EIF3B: variants seen among roughly 807,000 people sequenced by gnomAD.
The protein encoded by EIF3B is eukaryotic translation initiation factor 3 subunit 9.
EIF3B carries 10 observed loss-of-function variants against 104.6 expected under a neutral mutation model. The observed-to-expected ratio is 0.10, with a 90% CI of 0.06 to 0.16. EIF3B has a LOEUF of 0.16. EIF3B is among the 10% of genes least tolerant of loss of function. EIF3B has a pLI of 1.00. For missense variants in EIF3B, 1,014 were observed against 1,087.9 expected (o/e 0.93, Z 0.96); for synonymous variants, 542 against 417.2 (o/e 1.30, Z -3.65).
intron 1 of EIF3B, among the ~76,000 whole-genome samples, 171 bp downstream of exon 1, chr7:2,355,591 T>C (rs937320175): frequency 6.6e-6 from 1 of 152,078 alleles, no homozygotes; most frequent in Non-Finnish European, 1.5e-5. Context: ...CCTGGAAGTG[T>C]TCTGAGAGCC....
In EIF3B at chr7:2,380,376, C is replaced by A. The variant is rs1342575700; in HGVS notation, c.*187C>A. The A allele has an allele frequency of 1.9e-6, 1 of 518,806 alleles. No individual in the cohort carries two copies. Among genetic ancestry groups the A allele is most frequent in the Admixed American group, 1.9e-5 (1 of 51,572 alleles). The allele number at this position is 518,806 out of a possible 1,614,324, so 32.1% of individuals were successfully genotyped here. A position where few individuals can be genotyped will look rare whatever the true frequency, so the allele number is the denominator to read the frequency against. On this transcript the variant is annotated 3_prime_UTR_variant, in exon 19 of 19. Transcript: ENST00000360876. ...CTCTGGCTCTGGACTGTGACTGCGC[C>A]TGGATTCTGCCATTGCGACACATTT...
chr7:2,363,801 C>T (rs1221807317), intron 5 of EIF3B, 41 bp downstream of exon 5: 4 of 1,585,152 alleles, frequency 2.5e-6, no homozygotes, highest in South Asian at 1.1e-5. Flanking sequence ...CTCACCTCTC[C>T]TGTATTTCCT....
upstream of EIF3B, chr7:2,354,816 G>A (rs1437321905): frequency 2.0e-5 from 20 of 1,008,826 alleles, no homozygotes; most frequent in Non-Finnish European, 2.3e-5. Flanking sequence ...CGGCCTCCCC[G>A]TCGCACGCAC....
chr7:2,361,014 C>T (rs943755300), intron 2 of EIF3B, 112 bp downstream of exon 2: 12 of 794,804 alleles, frequency 1.5e-5, no homozygotes, highest in East Asian at 2.7e-5. Flanking sequence ...GCACGTGGGC[C>T]GTTCACTTCT....
rs1725690321 is a variant in EIF3B at position 2,369,476 on chromosome 7, T to G, written c.1408T>G (p.Phe470Val). 6.2e-7 allele frequency: 1 copy of G among 1,614,098 alleles called. No individual in the cohort carries two copies. The highest frequency in any genetic ancestry group is 1.1e-5 in the South Asian group (1 of 91,088). ...TTTTATTTTCCTGTTCTGCAGAGAC[T>G]TTTCTTGGTCTCCTGGTGGTAACAT... ...KSLKISGIKD[F>V]SWSPGGNIIA... The change falls in exon 10 of 19, where the codon TTT becomes GTT. Residue 470 changes from phenylalanine (F) to valine (V), a missense_variant. Physicochemically the swap from Phe to Val is conservative, Grantham distance 50 (BLOSUM62 -1). Around this residue, in one of 4 missense-constraint regions of EIF3B, gnomAD observed 201 missense variants for 240.7 expected, o/e 0.83. Transcript: ENST00000360876.
chr7:2,379,563 T>C, intron 18 of EIF3B, 52 bp downstream of exon 18: 1 of 1,159,684 alleles, frequency 8.6e-7, no homozygotes, highest in Non-Finnish European at 1.3e-6. Flanking sequence ...CTCATGCTGC[T>C]TCAGTTATCC....
At position 2,364,368 on chromosome 7, in the gene EIF3B, G is replaced by C; in HGVS notation, c.1000-4G>C. 1.3e-6 allele frequency: 2 copies of C among 1,580,056 alleles called. No homozygotes were observed. The highest frequency in any genetic ancestry group is 1.7e-6 in the Non-Finnish European group (2 of 1,168,842). ...ATTAACGTTGGCACTGCCTTTTTCT[G>C]CAGAGATGGACAGAGACGTATGTGC... On this transcript the variant is annotated splice_region_variant and splice_polypyrimidine_tract_variant and intron_variant, in intron 5 of 18. Transcript: ENST00000360876.
chr7:2,364,673 C>T (rs971066103), intron 6 of EIF3B, 144 bp downstream of exon 6: 13 of 748,496 alleles, frequency 1.7e-5, no homozygotes, highest in African/African-American at 9.0e-5. Flanking sequence ...TTACTGAGAT[C>T]TTCTCACATT....
Position 2,372,081 on chromosome 7 carries a change from C to G in EIF3B, c.1687+232C>G. 6.1e-6 allele frequency: 3 copies of G among 492,852 alleles called. No homozygotes were observed. The East Asian group carries it at 1.1e-4, about 17-fold the overall frequency. The allele number at this position is 492,852 out of a possible 1,614,324, so 30.5% of individuals were successfully genotyped here. A position where few individuals can be genotyped will look rare whatever the true frequency, so the allele number is the denominator to read the frequency against. The stretch of plus-strand genomic sequence containing the variant: ...AATTAGCCAGGTGTGGTGGTGCGCA[C>G]CGATAGTCCCAGCTGTTTGAGACGC... On this transcript the variant is annotated intron_variant, in intron 11 of 18. Coordinates refer to ENST00000360876, the MANE Select transcript of EIF3B (RefSeq NM_001037283.2).
chr7:2,367,248 C>A (rs962636190), intron 9 of EIF3B: 23 of 532,430 alleles, frequency 4.3e-5, no homozygotes, highest in Non-Finnish European at 6.9e-5. Context: ...TAGTGGACAG[C>A]CCCTCGGTCC....
At chr7:2,363,152 C>G (rs756594561) in intron 4 of EIF3B, 25 bp downstream of exon 4, 1 of 1,611,710 alleles carries the variant, frequency 6.2e-7, no homozygotes, top group Non-Finnish European at 8.5e-7. Flanking sequence ...ACCTACATCT[C>G]AGTGGTTTAA....
At chr7:2,372,123 C>T (rs1780378374) in intron 11 of EIF3B, 1 of 419,896 alleles carries the variant, frequency 2.4e-6, no homozygotes, top group East Asian at 4.3e-5. Context: ...GGGAGGATCA[C>T]TTGAGCCCAG....
chr7:2,362,938 C>T, intron 3 of EIF3B, 132 bp from the exon 4 acceptor site: 1 of 1,428,066 alleles, frequency 7.0e-7, no homozygotes, highest in Non-Finnish European at 9.7e-7. Context: ...CCTACAGCAC[C>T]CCTCCCTGTT....
intron 8 of EIF3B, 25 bp downstream of exon 8, chr7:2,366,616 C>T (rs763552523): frequency 1.4e-5 from 23 of 1,613,306 alleles, no homozygotes; most frequent in Non-Finnish European, 1.4e-5. Context: ...TGATGGCAAA[C>T]GCCCCGTCCG....
intron 14 of EIF3B, chr7:2,376,122 T>A (rs1780616664): frequency 6.4e-6 from 1 of 155,156 alleles, no homozygotes. Flanking sequence ...AATCTTCGCA[T>A]TCGAATCAGG....
Position 2,372,810 on chromosome 7 carries a change from C to A in EIF3B, c.1810+15C>A. On this transcript the variant is annotated intron_variant, in intron 12 of 18. Coordinates refer to ENST00000360876, the MANE Select transcript of EIF3B (RefSeq NM_001037283.2). ...TGAACTCATCAGTAAGTAACCTGGT[C>A]CCTTTCCTCTTCTGAGTAGGTCAGC... 1 of 1,612,472 alleles carries A rather than the reference C, an allele frequency of 6.2e-7. No individual in the cohort carries two copies. Among genetic ancestry groups the A allele is most frequent in the South Asian group, 1.1e-5 (1 of 90,888 alleles).
In EIF3B at chr7:2,372,765, G is replaced by A. The variant is rs1174725049; in HGVS notation, c.1780G>A (p.Val594Ile). Residue 594 changes from valine (V) to isoleucine (I), a missense_variant, in exon 12 of 19, where the codon GTC becomes ATC. Transcript: ENST00000360876. Reference sequence around the variant, plus strand: ...GCGGATATCTGTGTCTTTCTACCACGTCAAAAACAACGGGAAGATTGAACT... The same window carrying A: ...GCGGATATCTGTGTCTTTCTACCACATCAAAAACAACGGGAAGATTGAACT... Reference protein sequence around the residue: ...APRISVSFYHVKNNGKIELIK... With the variant: ...APRISVSFYHIKNNGKIELIK... The A allele has an allele frequency of 2.5e-6, 4 of 1,614,052 alleles. No homozygotes were observed. Among genetic ancestry groups the A allele is most frequent in the East Asian group, 2.2e-5 (1 of 44,882 alleles).
chr7:2,369,357 C>T, intron 9 of EIF3B, 115 bp from the exon 10 acceptor site: 4 of 1,128,136 alleles, frequency 3.5e-6, no homozygotes, highest in Non-Finnish European at 5.2e-6. Context: ...CGCTCAGCGT[C>T]AGCTGTGACA....
chr7:2,374,867 G>T (rs1439416793), intron 13 of EIF3B: 13 of 384,348 alleles, frequency 3.4e-5, no homozygotes, highest in Non-Finnish European at 6.1e-5. Flanking sequence ...GCGGGTTGTG[G>T]TTCTCTGTGG....
Sources: gnomAD v4.1 joint callset for allele counts (sites outside exome capture counted in the v4.1 genomes callset) on GRCh38, gnomAD v4.1.1 for gene constraint, gnomAD v4.1.1 regional missense constraint, MANE v1.5 for transcripts, NCBI Gene and HGNC (gene_info 2026-07-23, HGNC 2026-07-21) for gene names.